ZNF616: variants seen among roughly 807,000 people sequenced by gnomAD.
ZNF616 encodes zinc finger protein 616.
Under a neutral mutation model 7.6 loss-of-function variants are expected in ZNF616, and 5 were observed. The observed-to-expected ratio is 0.66, with a 90% CI of 0.34 to 1.38. ZNF616 has a LOEUF of 1.38. ZNF616 is among the 40% of genes most tolerant of loss of function. The pLI, the probability that ZNF616 is intolerant of heterozygous loss-of-function variation, is 0.04. For missense variants in ZNF616, 913 were observed against 948.3 expected (o/e 0.96, Z 0.49); for synonymous variants, 319 against 317.2 (o/e 1.01, Z -0.06).
At position 52,125,176 on chromosome 19, in the gene ZNF616, A is replaced by G. The variant is rs528070026; in HGVS notation, c.13-1127T>C. 7.3e-4 allele frequency among the ~76,000 whole-genome samples: 111 copies of G among 152,302 alleles called. 1 individual carries two copies. The highest frequency in any genetic ancestry group is 2.0e-3 in the Admixed American group (31 of 15,298). On this transcript the variant is annotated intron_variant, in intron 2 of 3. Transcript: ENST00000600228. ...CACATATAAAATGCATTCCATCCCA[A>G]TGGCCCCCCAAAGTCTTAACTTTTT...
At chr19:52,137,053 G>GTTTATATATATATATATATATATATATA (rs958896902) in intron 1 of ZNF616, among the ~76,000 whole-genome samples, 1 of 143,714 alleles carries the variant, frequency 7.0e-6, no homozygotes, top group African/African-American at 2.6e-5. Context: ...TTATGTATGT[G>GTTTATATATATATATATATATATATATA]TATATATATA....
In ZNF616 at chr19:52,139,269, G is replaced by A. The variant is rs2089038479; in HGVS notation, c.-77+463C>T. Among the ~76,000 whole-genome samples, 1 of 152,186 alleles carries A rather than the reference G, an allele frequency of 6.6e-6. No individual in the cohort carries two copies. Among genetic ancestry groups the A allele is most frequent in the South Asian group, 2.1e-4 (1 of 4,826 alleles). Reference sequence around the variant, plus strand: ...TAAAAATTTGGGAAGGAACGACAGTGGGTGTCACAAGACAGACTCGGGTGA... The same window carrying A: ...TAAAAATTTGGGAAGGAACGACAGTAGGTGTCACAAGACAGACTCGGGTGA... On this transcript the variant is annotated intron_variant, in intron 1 of 3. Coordinates refer to ENST00000600228, the MANE Select transcript of ZNF616 (RefSeq NM_178523.5). This position sits in a 1 kb window ranked among gnomAD's most constrained non-coding sequence, Gnocchi z 4.1.
rs2088959476 is a variant in ZNF616 at position 52,131,399 on chromosome 19, T to C, written c.-76-811A>G. Among the ~76,000 whole-genome samples the C allele has an allele frequency of 1.3e-5, 2 of 151,852 alleles. 1 individual carries two copies. Among genetic ancestry groups the C allele is most frequent in the Non-Finnish European group, 2.9e-5 (2 of 67,990 alleles). ...ATGTGTTACAAATGCCTTGGCACTC[T>C]AGTGTGAAGCGAGGGTTGAGTAGTC... On this transcript the variant is annotated intron_variant, in intron 1 of 3. Transcript: ENST00000600228.
At chr19:52,117,101 CCTACA>C (rs2088833077) in intron 3 of ZNF616, 77 bp from the exon 4 acceptor site, 1 of 1,267,718 alleles carries the variant, frequency 7.9e-7, no homozygotes, top group African/African-American at 1.5e-5. Context: ...TGGAAACATA[CCTACA>C]CTAAACATAA....
At chr19:52,134,016 G>A (rs1027349075) in intron 1 of ZNF616, among the ~76,000 whole-genome samples, 8 of 152,020 alleles carry the variant, frequency 5.3e-5, no homozygotes, top group Non-Finnish European at 1.2e-4. Context: ...AAGGATAATC[G>A]CCTCCAGCTC....
chr19:52,130,182 A>C (rs1465896393), intron 2 of ZNF616, among the ~76,000 whole-genome samples: 1 of 152,116 alleles, frequency 6.6e-6, no homozygotes, highest in African/African-American at 2.4e-5. Flanking sequence ...TGTGGCCCCT[A>C]AACAATCCCT....
intron 2 of ZNF616, 21 bp downstream of exon 2, chr19:52,130,480 T>C (rs760369651): frequency 6.2e-7 from 1 of 1,600,292 alleles, no homozygotes; most frequent in South Asian, 1.1e-5. Flanking sequence ...ATCACTTCAC[T>C]TGAGTAAAGT....
At chr19:52,135,765 G>A (rs1184382711) in intron 1 of ZNF616, among the ~76,000 whole-genome samples, 1 of 152,146 alleles carries the variant, frequency 6.6e-6, no homozygotes, top group Non-Finnish European at 1.5e-5. Flanking sequence ...TATTTTGTTG[G>A]CTGTACAACA....
chr19:52,116,709 T>C lies in ZNF616; in HGVS notation c.455A>G (p.Gln152Arg). ...AAGTCTCCCTTCAGTTTGAACTTTC[T>C]GCAGTTCAGCCAGACGTGACTCAAA... ...SNFESRLAEL[Q>R]KVQTEGRLYE... The change falls in exon 4 of 4, where the codon CAG becomes CGG. Residue 152 changes from glutamine to arginine, a missense_variant. Gln to Arg is a conservative substitution (Grantham distance 43). Coordinates refer to ENST00000600228, the MANE Select transcript of ZNF616 (RefSeq NM_178523.5). 6.2e-7 allele frequency: 1 copy of C among 1,614,184 alleles called. No homozygotes were observed. The highest frequency in any genetic ancestry group is 2.2e-5 in the East Asian group (1 of 44,882).
chr19:52,134,606 G>T (rs2088991842), intron 1 of ZNF616, among the ~76,000 whole-genome samples: 1 of 152,190 alleles, frequency 6.6e-6, no homozygotes, highest in African/African-American at 2.4e-5. Flanking sequence ...GACAGTGCCA[G>T]AATTAAATTG....
chr19:52,136,359 T>C (rs1423288212), intron 1 of ZNF616, among the ~76,000 whole-genome samples: 1 of 151,832 alleles, frequency 6.6e-6, no homozygotes, highest in East Asian at 1.9e-4. Flanking sequence ...CAGGTGCCTG[T>C]AATCTCAGGT....
At chr19:52,130,353 A>G (rs756823091) in intron 2 of ZNF616, 148 bp downstream of exon 2, 3 of 884,544 alleles carry the variant, frequency 3.4e-6, no homozygotes, top group Non-Finnish European at 5.8e-6. Flanking sequence ...AACTGAGGAA[A>G]AGCATGGATG....
Position 52,115,550 on chromosome 19 carries a change from C to T in ZNF616, c.1614G>A (p.Arg538=), listed in dbSNP as rs780347408. The T allele has an allele frequency of 1.9e-6, 3 of 1,613,648 alleles. No homozygotes were observed. The Admixed American group carries it at 5.0e-5, about 27-fold the overall frequency. The change falls in exon 4 of 4, where the codon AGG becomes AGA. Residue 538 remains arginine (R), a synonymous_variant. Transcript: ENST00000600228. ...TCTCTCCAGTATGAATTCTCCGATG[C>T]CTTGCAAAAGCTGAACGGTCACTGA... ...KVFSDRSAFA[R]HRRIHTGEKP...
chr19:52,124,442 C>A (rs1000259765), intron 2 of ZNF616, among the ~76,000 whole-genome samples: 2 of 152,230 alleles, frequency 1.3e-5, no homozygotes, highest in Admixed American at 6.5e-5. Flanking sequence ...ATGACCAGAG[C>A]AACAGCAATG....
rs2088797599 is a variant in ZNF616 at position 52,114,588 on chromosome 19, A to G, written c.*230T>C. On this transcript the variant is annotated 3_prime_UTR_variant, in exon 4 of 4. Coordinates refer to ENST00000600228, the MANE Select transcript of ZNF616 (RefSeq NM_178523.5). ...CGACAGGGAAGTGCTATGCACTTCT[A>G]AACAGCCAGACCTCAAGAGAAGTCA... The G allele has an allele frequency of 8.3e-6, 4 of 483,646 alleles. No individual in the cohort carries two copies. Among genetic ancestry groups the G allele is most frequent in the Non-Finnish European group, 1.4e-5 (4 of 277,902 alleles). The allele number at this position is 483,646 out of a possible 1,614,324, so 30.0% of individuals were successfully genotyped here. A position where few individuals can be genotyped will look rare whatever the true frequency, so the allele number is the denominator to read the frequency against.
Position 52,115,205 on chromosome 19 carries a change from A to C in ZNF616, c.1959T>G (p.Thr653=), listed in dbSNP as rs564164480. The C allele has an allele frequency of 1.2e-6, 2 of 1,614,158 alleles. No individual in the cohort carries two copies. Among genetic ancestry groups the C allele is most frequent in the African/African-American group, 2.7e-5 (2 of 75,038 alleles). The change falls in exon 4 of 4, where the codon ACT becomes ACG. Residue 653 remains threonine (T), a synonymous_variant. Coordinates refer to ENST00000600228, the MANE Select transcript of ZNF616 (RefSeq NM_178523.5). ...SQRVHLRLHQ[T]VHTGDRPYKC... is the part of the protein sequence containing the mutation. ...TGTAAGGTCTGTCTCCAGTATGAACAGTCTGATGAAGTCTAAGATGGACAC... is the reference window on the plus strand; with the variant it reads ...TGTAAGGTCTGTCTCCAGTATGAACCGTCTGATGAAGTCTAAGATGGACAC...
intron 2 of ZNF616, among the ~76,000 whole-genome samples, chr19:52,129,976 T>C (rs111678449): frequency 0.04 from 6,097 of 152,076 alleles, 391 homozygotes; most frequent in African/African-American, 0.13. Context: ...AAAGACGAGG[T>C]TTCACCATGT....
intron 1 of ZNF616, among the ~76,000 whole-genome samples, chr19:52,134,745 C>CT (rs372040264): frequency 1.4e-3 from 219 of 152,208 alleles, no homozygotes; most frequent in African/African-American, 5.1e-3. Flanking sequence ...TTGTTTTTTC[C>CT]TTTACACCCT....
At chr19:52,125,320 G>C (rs73934986) in intron 2 of ZNF616, among the ~76,000 whole-genome samples, 15,356 of 152,208 alleles carry the variant, frequency 0.1, 1,435 homozygotes, top group African/African-American at 0.25. Context: ...AGCTGTGAAC[G>C]TGTGAAATCA....
Sources: allele counts gnomAD v4.1 joint callset (sites outside exome capture counted in the v4.1 genomes callset), GRCh38; gene constraint gnomAD v4.1.1; non-coding constraint Gnocchi (gnomAD v3.1); transcripts MANE v1.5; gene names NCBI Gene and HGNC (gene_info 2026-07-23, HGNC 2026-07-21).